The following ST8SIA1 variants were observed in gnomAD, a reference collection of about 807,000 sequenced individuals.
ST8SIA1 encodes ST8 alpha-N-acetyl-neuraminide alpha-2,8-sialyltransferase 1.
ST8SIA1 carries 16 observed loss-of-function variants against 35.9 expected under a neutral mutation model. That is an observed-to-expected ratio of 0.45 (90% confidence interval 0.30 to 0.68). The LOEUF is 0.68. Ranked by LOEUF, ST8SIA1 falls within the 30% of genes least tolerant of loss-of-function variation. ST8SIA1 has a pLI of 0.09. For missense variants in ST8SIA1, 383 were observed against 453.6 expected, an observed-to-expected ratio of 0.84 and a Z score of 1.41; for synonymous variants, 170 against 169.6, an observed-to-expected ratio of 1.00 and a Z score of -0.02.
intron 1 of ST8SIA1, among the ~76,000 whole-genome samples, chr12:22,321,232 G>C (rs776958365): frequency 2.6e-5 from 4 of 152,180 alleles, no homozygotes; most frequent in Non-Finnish European, 4.4e-5. Flanking sequence ...GGGAGAGAAA[G>C]AGCCCTTTGG....
chr12:22,271,581 C>T (rs1865912477), intron 2 of ST8SIA1, among the ~76,000 whole-genome samples: 1 of 152,146 alleles, frequency 6.6e-6, no homozygotes. Flanking sequence ...GAAATTACCT[C>T]TACAGTTATT....
At chr12:22,320,926 G>GAAGAAAGAAAGA (rs138532412) in intron 1 of ST8SIA1, among the ~76,000 whole-genome samples, 10 of 71,726 alleles carry the variant, frequency 1.4e-4, no homozygotes, top group Non-Finnish European at 2.2e-4. Context: ...GGAAAGAAAG[G>GAAGAAAGAAAGA]AAGAAAGAAA....
chr12:22,285,859 GTA>G (rs1866091551), intron 2 of ST8SIA1, among the ~76,000 whole-genome samples: 2 of 75,230 alleles, frequency 2.7e-5, no homozygotes, highest in South Asian at 9.2e-4. Flanking sequence ...AACAGAGTAA[GTA>G]AGACTCTGTC....
chr12:22,307,998 C>T (rs1866405610), intron 1 of ST8SIA1, among the ~76,000 whole-genome samples: 1 of 152,146 alleles, frequency 6.6e-6, no homozygotes, highest in Non-Finnish European at 1.5e-5. Context: ...AATATGTTGC[C>T]CAGGCTTGTC....
At chr12:22,270,318 G>C (rs2300733) in intron 2 of ST8SIA1, among the ~76,000 whole-genome samples, 34,138 of 152,094 alleles carry the variant, frequency 0.22, 4,262 homozygotes, top group Middle Eastern at 0.37. Context: ...ATTTAGCAAA[G>C]AGTCTAGCAC....
intron 1 of ST8SIA1, among the ~76,000 whole-genome samples, chr12:22,290,957 C>T (rs533351918): frequency 1.3e-5 from 2 of 152,250 alleles, no homozygotes; most frequent in South Asian, 2.1e-4. Flanking sequence ...GTTTCAGTTG[C>T]GTGTGAGTTG....
intron 4 of ST8SIA1, 37 bp from the exon 5 acceptor site, chr12:22,202,075 G>C: frequency 2.6e-6 from 4 of 1,524,088 alleles, no homozygotes; most frequent in Non-Finnish European, 3.5e-6. Context: ...ATTAAACCTA[G>C]AGAAAAAGAA....
rs557395117 is a variant in ST8SIA1 at position 22,318,852 on chromosome 12, T to C, written c.236+15145A>G. 3.9e-5 allele frequency among the ~76,000 whole-genome samples: 6 copies of C among 152,350 alleles called. No individual in the cohort carries two copies. The South Asian group carries it at 1.2e-3, about 32-fold the overall frequency. The stretch of plus-strand genomic sequence containing the variant: ...AAGCCCTGAATGCAAATGTGGATCT[T>C]ACCACAAAGGTTCAGCACAGTAAGG... On this transcript the variant is annotated intron_variant, in intron 1 of 4. Transcript: ENST00000396037.
intron 2 of ST8SIA1, among the ~76,000 whole-genome samples, chr12:22,284,451 T>C (rs1476767241): frequency 6.6e-6 from 1 of 152,234 alleles, no homozygotes; most frequent in Non-Finnish European, 1.5e-5. Context: ...GCAACCCTTT[T>C]TGGCTGATAA....
intron 1 of ST8SIA1, among the ~76,000 whole-genome samples, chr12:22,287,837 G>A (rs921458633): frequency 3.9e-5 from 6 of 152,304 alleles, no homozygotes; most frequent in Non-Finnish European, 8.8e-5. Flanking sequence ...AAAATCTTTT[G>A]AGTAGAAATA....
In ST8SIA1 at chr12:22,201,455, A is replaced by G; in HGVS notation, c.*97T>C. ...TCCTTTCCTGTTTTTCCAAGGGCCC[A>G]TGCAAACTCATGAAACAACTTGACC... On this transcript the variant is annotated 3_prime_UTR_variant, in exon 5 of 5. Coordinates refer to ENST00000396037, the MANE Select transcript of ST8SIA1 (RefSeq NM_003034.4). 6.8e-7 allele frequency: 1 copy of G among 1,475,970 alleles called. No homozygotes were observed. The highest frequency in any genetic ancestry group is 9.0e-7 in the Non-Finnish European group (1 of 1,105,414). The allele number at this position is 1,475,970 out of a possible 1,614,324, so 91.4% of individuals were successfully genotyped here.
At chr12:22,230,528 C>T (rs144660927) in intron 4 of ST8SIA1, among the ~76,000 whole-genome samples, 181 of 152,228 alleles carry the variant, frequency 1.2e-3, no homozygotes, top group African/African-American at 4.2e-3. Context: ...ATCCCCTGCC[C>T]AGCCCTCACT....
chr12:22,257,081 G>A (rs1865736456), intron 2 of ST8SIA1, among the ~76,000 whole-genome samples: 1 of 152,196 alleles, frequency 6.6e-6, no homozygotes, highest in African/African-American at 2.4e-5. Flanking sequence ...TTCTAGTGTG[G>A]AAAACAGATG....
chr12:22,333,143 G>A (rs1866790867), intron 1 of ST8SIA1, among the ~76,000 whole-genome samples: 1 of 152,166 alleles, frequency 6.6e-6, no homozygotes, highest in Non-Finnish European at 1.5e-5. Context: ...AAAGGAAGCG[G>A]ATCTACAACC....
chr12:22,208,150 A>G (rs958798244), intron 4 of ST8SIA1, among the ~76,000 whole-genome samples: 5 of 151,598 alleles, frequency 3.3e-5, no homozygotes, highest in Non-Finnish European at 4.4e-5. Context: ...AAAAAAAAAA[A>G]AAGAAGCAAA....
rs774559978 is a variant in ST8SIA1, at chr12:22,334,013, C to T, written c.220G>A (p.Ala74Thr). Reference protein sequence around the residue: ...QGTAWRRNQTAARAFRKQMED... With the variant: ...QGTAWRRNQTTARAFRKQMED... The stretch of plus-strand genomic sequence containing the variant: ...CAGGAGTACCTGAACGCTCTGGCCG[C>T]GGTCTGGTTCCTCCTCCACGCCGTG... Residue 74 changes from alanine to threonine, a missense_variant, in exon 1 of 5, where the codon GCG becomes ACG. Ala to Thr is a moderately conservative substitution (Grantham distance 58). Coordinates refer to ENST00000396037, the MANE Select transcript of ST8SIA1 (RefSeq NM_003034.4). 14 of 1,613,748 alleles carry T rather than the reference C, an allele frequency of 8.7e-6. No homozygotes were observed. The highest frequency in any genetic ancestry group is 1.2e-5 in the Non-Finnish European group (14 of 1,179,970).
intron 1 of ST8SIA1, among the ~76,000 whole-genome samples, chr12:22,305,433 T>G (rs942129112): frequency 1.3e-5 from 2 of 149,138 alleles, no homozygotes; most frequent in African/African-American, 5.0e-5. Context: ...CAGGCTGGAG[T>G]GCAATGGCGT....
In ST8SIA1 at chr12:22,232,371, T is replaced by C. The variant is rs78254744; in HGVS notation, c.584+16635A>G. Among the ~76,000 whole-genome samples, 21 of 152,228 alleles carry C rather than the reference T, an allele frequency of 1.4e-4. No individual in the cohort carries two copies. The East Asian group carries it at 4.1e-3, about 29-fold the overall frequency. ...CACCGTAATTTAGCAGTGGATTTAA[T>C]AAAATAAGCCAAGGGGGACTCCAAT... On this transcript the variant is annotated intron_variant, in intron 4 of 4. Coordinates refer to ENST00000396037, the MANE Select transcript of ST8SIA1 (RefSeq NM_003034.4).
chr12:22,244,639 G>A (rs1591833232), intron 4 of ST8SIA1, among the ~76,000 whole-genome samples: 1 of 151,848 alleles, frequency 6.6e-6, no homozygotes, highest in South Asian at 2.1e-4. Context: ...GTATTTTTTG[G>A]TAGAGACGAG....
Sources: allele counts gnomAD v4.1 joint callset (sites outside exome capture counted in the v4.1 genomes callset), GRCh38; gene constraint gnomAD v4.1.1; transcripts MANE v1.5; gene names NCBI Gene and HGNC (gene_info 2026-07-23, HGNC 2026-07-21).